SLC9A9: variants seen among roughly 807,000 people sequenced by gnomAD.
SLC9A9 encodes sodium/hydrogen exchanger 9.
SLC9A9 carries 62 observed loss-of-function variants against 77.8 expected under a neutral mutation model. The ratio of observed to expected loss-of-function variants is 0.80; its 90% CI spans 0.65 to 0.98. The LOEUF is 0.98. Among genes scored for constraint, SLC9A9 ranks in the 50% least tolerant of loss-of-function variants. SLC9A9 has a pLI of 0.00. For missense variants in SLC9A9, 775 were observed against 774.9 expected (o/e 1.00, Z 0.00); for synonymous variants, 320 against 283.5 (o/e 1.13, Z -1.29).
chr3:143,266,384 C>T lies in SLC9A9; in HGVS notation c.*318G>A. ...AGGGCCTGGAGAGCCGCATTCGCAG[C>T]AGAAATGCCCTGAAGACCCAGCACA... On this transcript the variant is annotated 3_prime_UTR_variant, in exon 16 of 16. Transcript: ENST00000316549. The T allele has an allele frequency of 1.8e-6, 1 of 547,904 alleles. No individual in the cohort carries two copies. The highest frequency in any genetic ancestry group is 3.3e-6 in the Non-Finnish European group (1 of 306,578). The allele number at this position is 547,904 out of a possible 1,614,324, so 33.9% of individuals were successfully genotyped here. A position where few individuals can be genotyped will look rare whatever the true frequency, so the allele number is the denominator to read the frequency against.
In SLC9A9 at chr3:143,770,728, T is replaced by A. The variant is rs187260854; in HGVS notation, c.533+24273A>T. Among the ~76,000 whole-genome samples, 174 of 152,068 alleles carry A rather than the reference T, an allele frequency of 1.1e-3. 1 individual carries two copies. The East Asian group carries it at 0.012, about 10-fold the overall frequency. ...AATGTCAGTTATATGAAAGAAAATA[T>A]CACTGAAAAAAACTCTCCATAAACA... On this transcript the variant is annotated intron_variant, in intron 4 of 15. Coordinates refer to ENST00000316549, the MANE Select transcript of SLC9A9 (RefSeq NM_173653.4).
At chr3:143,520,117 T>G (rs1311151305) in intron 9 of SLC9A9, among the ~76,000 whole-genome samples, 5 of 152,196 alleles carry the variant, frequency 3.3e-5, no homozygotes, top group African/African-American at 4.8e-5. Flanking sequence ...TGAGTTTAGA[T>G]AGAAAACAGA....
At chr3:143,645,703 A>C (rs2038694811) in intron 6 of SLC9A9, among the ~76,000 whole-genome samples, 1 of 152,226 alleles carries the variant, frequency 6.6e-6, no homozygotes, top group Non-Finnish European at 1.5e-5. Context: ...ACTTTAAATG[A>C]CATTATCTAG....
chr3:143,431,744 G>A (rs896485377), intron 12 of SLC9A9, among the ~76,000 whole-genome samples: 24 of 151,970 alleles, frequency 1.6e-4, no homozygotes, highest in Non-Finnish European at 3.1e-4. Context: ...GTGAAAGGCC[G>A]AGTCCTTACA....
chr3:143,282,883 T>G (rs113121505), intron 14 of SLC9A9, among the ~76,000 whole-genome samples: 6 of 152,372 alleles, frequency 3.9e-5, no homozygotes, highest in African/African-American at 1.4e-4. Context: ...ATAATCCTAA[T>G]GGATACTGGA....
At chr3:143,419,228 A>G (rs935219073) in intron 12 of SLC9A9, among the ~76,000 whole-genome samples, 2 of 152,194 alleles carry the variant, frequency 1.3e-5, no homozygotes, top group African/African-American at 4.8e-5. Flanking sequence ...AGCACTTACT[A>G]TGTGCCAGGC....
chr3:143,667,926 G>A (rs1028255349), intron 5 of SLC9A9, among the ~76,000 whole-genome samples: 1 of 152,166 alleles, frequency 6.6e-6, no homozygotes, highest in Admixed American at 6.5e-5. Flanking sequence ...ACAATGTAGC[G>A]ATTCCTCAAG....
At chr3:143,547,617 A>G (rs1039245887) in intron 9 of SLC9A9, among the ~76,000 whole-genome samples, 9 of 152,090 alleles carry the variant, frequency 5.9e-5, no homozygotes, top group Non-Finnish European at 1.5e-5. Flanking sequence ...TTCACTCCAT[A>G]CCAGCCACAT....
At chr3:143,401,547 G>T (rs748312633) in intron 12 of SLC9A9, among the ~76,000 whole-genome samples, 2 of 152,008 alleles carry the variant, frequency 1.3e-5, no homozygotes, top group Non-Finnish European at 2.9e-5. Context: ...AAGTTTTCAG[G>T]GACTTGAAAT....
At chr3:143,348,442 C>A (rs540928720) in intron 14 of SLC9A9, among the ~76,000 whole-genome samples, 8 of 152,252 alleles carry the variant, frequency 5.3e-5, no homozygotes, top group African/African-American at 1.9e-4. Flanking sequence ...CCTTTATTTA[C>A]TATATGCCAT....
At chr3:143,348,244 C>G (rs2032353332) in intron 14 of SLC9A9, among the ~76,000 whole-genome samples, 1 of 152,226 alleles carries the variant, frequency 6.6e-6, no homozygotes, top group South Asian at 2.1e-4. Flanking sequence ...ATCCACCCGC[C>G]TTGGCCTCCC....
chr3:143,725,550 G>A (rs1415115622), intron 4 of SLC9A9, among the ~76,000 whole-genome samples: 1 of 147,904 alleles, frequency 6.8e-6, no homozygotes, highest in Non-Finnish European at 1.5e-5. Context: ...GGAATACTAT[G>A]CAGCCATAAA....
rs533885941 is a variant in SLC9A9, at chr3:143,339,534, T to TC, written c.1604+23949_1604+23950insG. On this transcript the variant is annotated intron_variant, in intron 14 of 15. Coordinates refer to ENST00000316549, the MANE Select transcript of SLC9A9 (RefSeq NM_173653.4). ...TCTTCTTTATGTTACATTCCCCCCC[T>TC]TCTACACTGGCATACTATGTTGTTC... is the stretch of plus-strand genomic sequence containing the variant. Among the ~76,000 whole-genome samples the TC allele has an allele frequency of 3.5e-3, 529 of 152,068 alleles. 3 individuals are homozygous for TC. Among genetic ancestry groups the TC allele is most frequent in the Non-Finnish European group, 5.9e-3 (404 of 67,974 alleles).
intron 6 of SLC9A9, among the ~76,000 whole-genome samples, chr3:143,585,885 C>T (rs2037532651): frequency 6.6e-6 from 1 of 152,230 alleles, no homozygotes; most frequent in Admixed American, 6.5e-5. Context: ...TCCAATAACT[C>T]CCTTCCCTTG....
intron 11 of SLC9A9, among the ~76,000 whole-genome samples, chr3:143,472,881 T>C (rs916065159): frequency 6.6e-6 from 1 of 152,214 alleles, no homozygotes; most frequent in Non-Finnish European, 1.5e-5. Context: ...AAACCTTATT[T>C]TGAGAGTCAA....
intron 4 of SLC9A9, among the ~76,000 whole-genome samples, chr3:143,750,147 C>T (rs956739700): frequency 6.6e-6 from 1 of 152,182 alleles, no homozygotes; most frequent in East Asian, 1.9e-4. Context: ...TGTCTTGATA[C>T]AGCAGTTAAA....
intron 12 of SLC9A9, among the ~76,000 whole-genome samples, chr3:143,421,110 A>G (rs543184041): frequency 7.2e-5 from 11 of 152,324 alleles, no homozygotes; most frequent in African/African-American, 2.6e-4. Context: ...TACAAGAACT[A>G]CAAAACACTA....
At chr3:143,672,303 C>T (rs1008528077) in intron 5 of SLC9A9, among the ~76,000 whole-genome samples, 4 of 151,958 alleles carry the variant, frequency 2.6e-5, no homozygotes, top group Non-Finnish European at 5.9e-5. Flanking sequence ...AAACTAAATG[C>T]AGAGGCAGAG....
rs552229537 is a variant in SLC9A9, at chr3:143,314,847, G to C, written c.1605-45867C>G. Among the ~76,000 whole-genome samples, 145 of 152,332 alleles carry C rather than the reference G, an allele frequency of 9.5e-4. 1 individual carries two copies. The highest frequency in any genetic ancestry group is 3.0e-3 in the African/African-American group (123 of 41,584). On this transcript the variant is annotated intron_variant, in intron 14 of 15. Coordinates refer to ENST00000316549, the MANE Select transcript of SLC9A9 (RefSeq NM_173653.4). ...TTAGCCTGGCTCTGCTTTGGGGCAAGAGCCACACTCTTGGTGATTAACCTC... is the reference window on the plus strand; with the variant it reads ...TTAGCCTGGCTCTGCTTTGGGGCAACAGCCACACTCTTGGTGATTAACCTC...
Sources: gnomAD v4.1 joint callset for allele counts (sites outside exome capture counted in the v4.1 genomes callset) on GRCh38, gnomAD v4.1.1 for gene constraint, MANE v1.5 for transcripts, NCBI Gene and HGNC (gene_info 2026-07-23, HGNC 2026-07-21) for gene names.